The following BTBD7 variants were observed in gnomAD, a reference collection of about 807,000 sequenced individuals.
The protein encoded by BTBD7 is BTB domain containing 7, also known as BTB/POZ domain-containing protein 7.
BTBD7 carries 38 observed loss-of-function variants against 99.9 expected under a neutral mutation model. The ratio of observed to expected loss-of-function variants is 0.38; its 90% CI spans 0.29 to 0.50. The LOEUF is 0.50. Ranked by LOEUF, BTBD7 falls within the 20% of genes least tolerant of loss-of-function variation. The pLI, the probability that BTBD7 is intolerant of heterozygous loss-of-function variation, is 0.93. For synonymous variants in BTBD7, 520 were observed against 511.4 expected (o/e 1.02, Z -0.23); for missense variants, 1,170 against 1,394.6 (o/e 0.84, Z 2.57).
At chr14:93,313,301 A>G (rs1489306988) in intron 1 of BTBD7, among the ~76,000 whole-genome samples, 1 of 152,204 alleles carries the variant, frequency 6.6e-6, no homozygotes, top group Non-Finnish European at 1.5e-5. Flanking sequence ...GTCAGAAAAC[A>G]TTTCTATTCA....
intron 10 of BTBD7, among the ~76,000 whole-genome samples, chr14:93,244,574 G>A (rs372654684): frequency 1.6e-4 from 24 of 152,248 alleles, no homozygotes; most frequent in African/African-American, 5.5e-4. Context: ...GCTTGAACCC[G>A]GGAGGCGGAG....
intron 5 of BTBD7, 84 bp downstream of exon 5, chr14:93,261,518 G>T: frequency 9.4e-7 from 1 of 1,060,380 alleles, no homozygotes; most frequent in South Asian, 1.3e-5. Context: ...CAATTTTCAA[G>T]ACTGATGTGC....
In BTBD7 at chr14:93,301,194, A is replaced by AT. The variant is rs890054637; in HGVS notation, c.-106-5038dup. 2.6e-3 allele frequency among the ~76,000 whole-genome samples: 368 copies of AT among 144,272 alleles called. 2 individuals carry two copies. The highest frequency in any genetic ancestry group is 5.8e-3 in the African/African-American group (228 of 39,492). 94.6% of individuals were successfully genotyped at this position (144,272 alleles called of 152,430 possible). Reference sequence around the variant, plus strand: ...ACATTGTGAGACTCTGTCTTTCCAAATTTTTTTTTTTTTTGAGACAGAATT... The same window carrying AT: ...ACATTGTGAGACTCTGTCTTTCCAAATTTTTTTTTTTTTTTGAGACAGAATT... On this transcript the variant is annotated intron_variant, in intron 1 of 10. Transcript: ENST00000334746.
intron 1 of BTBD7, among the ~76,000 whole-genome samples, chr14:93,332,614 G>A (rs1339233524): frequency 6.6e-6 from 1 of 151,604 alleles, no homozygotes. Flanking sequence ...AGCGCACAGA[G>A]ACCGGCCAGT....
chr14:93,317,402 G>C (rs1471974064), intron 1 of BTBD7, among the ~76,000 whole-genome samples: 1 of 149,754 alleles, frequency 6.7e-6, no homozygotes, highest in African/African-American at 2.5e-5. Context: ...TTGGTATGTC[G>C]CCCAGGCTGG....
Position 93,294,074 on chromosome 14 carries a change from CTAATA to C in BTBD7, c.941_945del (p.Ile314ArgfsTer2). Reference sequence around the variant, plus strand: ...TATTTTTTTGGTATAATGGACTCATCTAATATAATTCTTGTGGGAGTCCTCAAAGT... The same window carrying C: ...TATTTTTTTGGTATAATGGACTCATCTAATTCTTGTGGGAGTCCTCAAAGT... On this transcript the variant is annotated frameshift_variant, in exon 3 of 11. Transcript: ENST00000334746. LOFTEE classifies it high-confidence loss of function. 6.2e-7 allele frequency: 1 copy of C among 1,614,088 alleles called. No homozygotes were observed.
At chr14:93,288,491 A>G (rs774370557) in intron 3 of BTBD7, 4 of 750,950 alleles carry the variant, frequency 5.3e-6, no homozygotes, top group South Asian at 1.4e-5. Context: ...GTTCTTTTAT[A>G]TAAGGATATT....
intron 1 of BTBD7, among the ~76,000 whole-genome samples, chr14:93,321,547 C>G (rs11620686): frequency 0.079 from 11,970 of 152,168 alleles, 1,011 homozygotes; most frequent in African/African-American, 0.21. Context: ...GAGCTGAGAT[C>G]GCGCCATGGC....
intron 3 of BTBD7, among the ~76,000 whole-genome samples, chr14:93,268,170 G>T (rs996377111): frequency 1.3e-5 from 2 of 151,806 alleles, no homozygotes; most frequent in Non-Finnish European, 2.9e-5. Flanking sequence ...TTTCTGAAAT[G>T]CCCCTAACTC....
chr14:93,314,864 A>C (rs371713125), intron 1 of BTBD7, among the ~76,000 whole-genome samples: 1 of 152,308 alleles, frequency 6.6e-6, no homozygotes, highest in Non-Finnish European at 1.5e-5. Flanking sequence ...AAAATTAATA[A>C]ACTGATATTC....
At chr14:93,252,031 C>T (rs1237919320) in intron 7 of BTBD7, among the ~76,000 whole-genome samples, 2 of 152,008 alleles carry the variant, frequency 1.3e-5, no homozygotes, top group Non-Finnish European at 2.9e-5. Flanking sequence ...TAATCAGGGC[C>T]GGGCGTGGTG....
chr14:93,279,049 C>T (rs1397067402), intron 3 of BTBD7, among the ~76,000 whole-genome samples: 1 of 152,164 alleles, frequency 6.6e-6, no homozygotes, highest in African/African-American at 2.4e-5. Flanking sequence ...ATTTCATCTA[C>T]TTACAGCAGA....
At chr14:93,292,264 G>A (rs1452904927) in intron 3 of BTBD7, among the ~76,000 whole-genome samples, 4 of 151,628 alleles carry the variant, frequency 2.6e-5, no homozygotes, top group Non-Finnish European at 5.9e-5. Context: ...CTTATTAAAA[G>A]GCATCAAAAA....
chr14:93,298,824 A>G (rs892638997), intron 1 of BTBD7, among the ~76,000 whole-genome samples: 2 of 152,238 alleles, frequency 1.3e-5, no homozygotes, highest in Non-Finnish European at 2.9e-5. Context: ...CAATGGCCCC[A>G]CTGGAGAAAC....
intron 10 of BTBD7, chr14:93,244,175 C>T (rs916877372): frequency 1.8e-5 from 8 of 433,210 alleles, no homozygotes; most frequent in Admixed American, 5.2e-5. Context: ...CTGATTTTCC[C>T]GAAAAAGGGT....
intron 10 of BTBD7, among the ~76,000 whole-genome samples, chr14:93,244,524 C>T (rs1237907065): frequency 6.6e-6 from 1 of 152,152 alleles, no homozygotes; most frequent in Non-Finnish European, 1.5e-5. Context: ...TGGTGCGTGC[C>T]TGTAATCCCA....
At chr14:93,257,647 AC>A (rs1205320933) in intron 5 of BTBD7, among the ~76,000 whole-genome samples, 1 of 152,228 alleles carries the variant, frequency 6.6e-6, no homozygotes, top group African/African-American at 2.4e-5. Context: ...ATGACAATCT[AC>A]TAAAATCTAG....
intron 1 of BTBD7, among the ~76,000 whole-genome samples, chr14:93,301,875 G>A (rs1273200076): frequency 1.3e-5 from 2 of 152,168 alleles, no homozygotes; most frequent in Non-Finnish European, 2.9e-5. Context: ...TTTATTCTGG[G>A]GCTTGTCCTA....
chr14:93,310,938 A>G (rs1307525539), intron 1 of BTBD7, among the ~76,000 whole-genome samples: 1 of 152,096 alleles, frequency 6.6e-6, no homozygotes, highest in African/African-American at 2.4e-5. Flanking sequence ...CGATCACATG[A>G]TAGTCTATCA....
Sources: allele counts gnomAD v4.1 joint callset (sites outside exome capture counted in the v4.1 genomes callset), GRCh38; gene constraint gnomAD v4.1.1; transcripts MANE v1.5; gene names NCBI Gene and HGNC (gene_info 2026-07-23, HGNC 2026-07-21).